CSGALNACT1: variants seen among roughly 807,000 people sequenced by gnomAD.
The protein encoded by CSGALNACT1 is chondroitin sulfate N-acetylgalactosaminyltransferase 1, also known as beta4GalNAcT-1.
A neutral mutation model predicts 51.0 loss-of-function variants in CSGALNACT1; 52 were observed. The observed-to-expected ratio is 1.02, with a 90% CI of 0.82 to 1.29. CSGALNACT1 has a LOEUF of 1.29. CSGALNACT1 is among the 50% of genes most tolerant of loss of function. The pLI is 0.00. For missense variants in CSGALNACT1, 935 were observed against 679.2 expected (o/e 1.38, Z -4.19); for synonymous variants, 341 against 254.4 (o/e 1.34, Z -3.24).
intron 1 of CSGALNACT1, among the ~76,000 whole-genome samples, chr8:19,746,946 CT>C (rs1297479444): frequency 1.3e-5 from 2 of 152,214 alleles, no homozygotes; most frequent in Non-Finnish European, 2.9e-5. Flanking sequence ...ACAACCATCG[CT>C]TGTGGACACC....
At chr8:19,442,327 C>T (rs2061442821) in intron 5 of CSGALNACT1, among the ~76,000 whole-genome samples, 1 of 152,140 alleles carries the variant, frequency 6.6e-6, no homozygotes, top group African/African-American at 2.4e-5. Flanking sequence ...CCCAAATGTC[C>T]AACAATGACA....
intron 4 of CSGALNACT1, among the ~76,000 whole-genome samples, chr8:19,487,328 T>C (rs2073194033): frequency 6.6e-6 from 1 of 152,094 alleles, no homozygotes; most frequent in African/African-American, 2.4e-5. Context: ...GGAAATAAAA[T>C]GTCGTCTTTC....
intron 1 of CSGALNACT1, among the ~76,000 whole-genome samples, chr8:19,632,646 C>A (rs868251447): frequency 1.1e-4 from 17 of 152,210 alleles, no homozygotes; most frequent in Non-Finnish European, 2.9e-5. Flanking sequence ...ACATAAGAAA[C>A]TTCAAGTAAA....
chr8:19,673,799 T>C lies in CSGALNACT1; in HGVS notation c.-544+8674A>G, dbSNP rs148324559. On this transcript the variant is annotated intron_variant, in intron 1 of 9. Coordinates refer to the CSGALNACT1 transcript ENST00000332246. ...TTTAAAAGAATAGAAATTAACCCTATGAAATTCCTTTTTGTGAAGAAGTAC... is the reference window on the plus strand; with the variant it reads ...TTTAAAAGAATAGAAATTAACCCTACGAAATTCCTTTTTGTGAAGAAGTAC... Among the ~76,000 whole-genome samples the C allele has an allele frequency of 1.6e-3, 246 of 152,358 alleles. No individual in the cohort carries two copies. The Middle Eastern group carries it at 0.017, about 11-fold the overall frequency.
At chr8:19,687,932 A>C (rs2061067805) in intron 1 of CSGALNACT1, among the ~76,000 whole-genome samples, 1 of 152,220 alleles carries the variant, frequency 6.6e-6, no homozygotes. Flanking sequence ...GAGAACACAT[A>C]AACAGCCACT....
Position 19,636,941 on chromosome 8 carries a change from G to A in CSGALNACT1, c.-543-35076C>T, listed in dbSNP as rs556175470. On this transcript the variant is annotated intron_variant, in intron 1 of 9. Transcript: ENST00000332246. ...GGCATGGTGGCTCAAGCTTGTAATCGCACTTTGGGAGGCCAAGGAAGGCAG... is the reference window on the plus strand; with the variant it reads ...GGCATGGTGGCTCAAGCTTGTAATCACACTTTGGGAGGCCAAGGAAGGCAG... Among the ~76,000 whole-genome samples, 33 of 152,044 alleles carry A rather than the reference G, an allele frequency of 2.2e-4. No individual in the cohort carries two copies. In the South Asian group the frequency reaches 5.8e-3, roughly 27 times the overall value.
chr8:19,576,484 C>T (rs1186191842), intron 3 of CSGALNACT1, among the ~76,000 whole-genome samples: 1 of 151,890 alleles, frequency 6.6e-6, no homozygotes, highest in African/African-American at 2.4e-5. Flanking sequence ...TGAGCCATTG[C>T]ACCCGGCCTA....
intron 3 of CSGALNACT1, among the ~76,000 whole-genome samples, chr8:19,544,681 T>C (rs957422238): frequency 6.6e-5 from 10 of 152,220 alleles, no homozygotes; most frequent in African/African-American, 2.2e-4. Flanking sequence ...GCCCCATACC[T>C]ATGCTGAGCT....
exon 10 of CSGALNACT1, chr8:19,406,005 G>C: frequency 1.9e-6 from 3 of 1,614,198 alleles, no homozygotes; most frequent in South Asian, 1.1e-5. Flanking sequence ...GGTTGCTGTG[G>C]AGATACTTGC....
chr8:19,654,379 G>A (rs1021732959), intron 1 of CSGALNACT1, among the ~76,000 whole-genome samples: 3 of 152,180 alleles, frequency 2.0e-5, no homozygotes, highest in African/African-American at 7.2e-5. Flanking sequence ...CATTAAGTCT[G>A]AATGTGTGTG....
intron 3 of CSGALNACT1, among the ~76,000 whole-genome samples, chr8:19,540,028 C>A (rs756912760): frequency 6.6e-6 from 1 of 152,110 alleles, no homozygotes; most frequent in Non-Finnish European, 1.5e-5. Context: ...CCCAAAGACA[C>A]AGAGAGAGTA....
At chr8:19,644,619 A>G (rs1050540694) in intron 1 of CSGALNACT1, among the ~76,000 whole-genome samples, 5 of 146,284 alleles carry the variant, frequency 3.4e-5, no homozygotes, top group African/African-American at 1.3e-4. Flanking sequence ...CTGAGACAGG[A>G]GAATTGCTTG....
intron 4 of CSGALNACT1, among the ~76,000 whole-genome samples, chr8:19,471,746 G>C (rs370061533): frequency 2.1e-4 from 32 of 152,326 alleles, no homozygotes; most frequent in African/African-American, 6.7e-4. Context: ...GATGCAGTGA[G>C]AGTAAACAAC....
upstream of CSGALNACT1, chr8:19,682,864 C>CT: frequency 2.6e-6 from 1 of 385,268 alleles, no homozygotes; most frequent in South Asian, 1.9e-5. Context: ...GTCAGCAGCC[C>CT]TCACAGGTCC....
chr8:19,720,397 C>T (rs1329707202), intron 1 of CSGALNACT1, among the ~76,000 whole-genome samples: 1 of 152,116 alleles, frequency 6.6e-6, no homozygotes, highest in Non-Finnish European at 1.5e-5. Flanking sequence ...AGCACATAAG[C>T]CATAGCTGGG....
chr8:19,564,604 A>G (rs898930424), intron 3 of CSGALNACT1, among the ~76,000 whole-genome samples: 7 of 152,044 alleles, frequency 4.6e-5, no homozygotes, highest in African/African-American at 1.4e-4. Context: ...GCGGCCCTAT[A>G]TGCTTATGCA....
chr8:19,703,225 C>T (rs2061977242), intron 1 of CSGALNACT1, among the ~76,000 whole-genome samples: 3 of 152,068 alleles, frequency 2.0e-5, no homozygotes, highest in Admixed American at 2.0e-4. Context: ...TCAGAAGGAG[C>T]CATTGACGTG....
chr8:19,610,384 C>T (rs999455878), intron 1 of CSGALNACT1, among the ~76,000 whole-genome samples: 1 of 151,630 alleles, frequency 6.6e-6, no homozygotes, highest in Non-Finnish European at 1.5e-5. Flanking sequence ...CCAACCCCCA[C>T]GGACCTCGGT....
chr8:19,454,838 T>C (rs2063795848), intron 5 of CSGALNACT1, among the ~76,000 whole-genome samples: 1 of 152,238 alleles, frequency 6.6e-6, no homozygotes, highest in Non-Finnish European at 1.5e-5. Flanking sequence ...AAAATCACTT[T>C]TTAACTTCAG....
Sources: gnomAD v4.1 joint callset for allele counts (sites outside exome capture counted in the v4.1 genomes callset) on GRCh38, gnomAD v4.1.1 for gene constraint, MANE v1.5 for transcripts, NCBI Gene and HGNC (gene_info 2026-07-23, HGNC 2026-07-21) for gene names.